Variants in BID observed in about 807,000 individuals in gnomAD.
BID encodes the protein BH3-interacting domain death agonist.
BID carries 19 observed loss-of-function variants against 17.4 expected under a neutral mutation model. The observed-to-expected ratio is 1.09, with a 90% CI of 0.76 to 1.60. The LOEUF (loss-of-function observed/expected upper bound fraction) is 1.60. BID is among the 40% of genes most tolerant of loss of function. The pLI is 0.00. For missense variants in BID, 226 were observed against 256.0 expected, an observed-to-expected ratio of 0.88 and a Z score of 0.80; for synonymous variants, 108 against 102.8, an observed-to-expected ratio of 1.05 and a Z score of -0.31.
chr22:17,761,569 C>T (rs2061638973), intron 1 of BID, among the ~76,000 whole-genome samples: 1 of 151,732 alleles, frequency 6.6e-6, no homozygotes, highest in African/African-American at 2.4e-5. Context: ...GTAGCTGGGA[C>T]TACAGGCGCC....
rs536926034 is a variant in BID, at chr22:17,760,038, G to C, written c.-58-9864C>G. On this transcript the variant is annotated intron_variant, in intron 1 of 5. Coordinates refer to ENST00000622694, the MANE Select transcript of BID (RefSeq NM_001196.4). ...AGTCCCAGCTACTCAGGAGGCTGAG[G>C]CAGGAGAATGGCGTGAACTCGGGAG... Among the ~76,000 whole-genome samples the C allele has an allele frequency of 2.1e-3, 311 of 151,124 alleles. 2 individuals are homozygous for C. The highest frequency in any genetic ancestry group is 6.9e-3 in the African/African-American group (285 of 41,084).
At chr22:17,744,082 C>T (rs1321866843) in intron 2 of BID, 69 bp from the exon 3 acceptor site, 3 of 1,396,942 alleles carry the variant, frequency 2.1e-6, no homozygotes, top group Non-Finnish European at 2.0e-6. Flanking sequence ...CAAAGAGCTC[C>T]AGTTGCAGCT....
At position 17,750,129 on chromosome 22, in the gene BID, G is replaced by T. The variant is rs146270653; in HGVS notation, c.-13C>A. ...CCTCACAGTCCATGGCCTGGGCAGC[G>T]CGGCAGCTCCGACTCACTCCTGGTT... On this transcript the variant is annotated 5_prime_UTR_variant, in exon 2 of 6. Coordinates refer to ENST00000622694, the MANE Select transcript of BID (RefSeq NM_001196.4). The T allele has an allele frequency of 8.8e-4, 1,415 of 1,613,232 alleles. 1 individual carries two copies. Among genetic ancestry groups the T allele is most frequent in the Non-Finnish European group, 1.1e-3 (1,288 of 1,179,934 alleles).
intron 1 of BID, among the ~76,000 whole-genome samples, chr22:17,771,919 G>T (rs754112201): frequency 6.6e-6 from 1 of 152,200 alleles, no homozygotes; most frequent in Non-Finnish European, 1.5e-5. Flanking sequence ...GCTCACAGGG[G>T]AGCGAGGCCA....
intron 5 of BID, 38 bp from the exon 6 acceptor site, chr22:17,735,629 G>A (rs1391212704): frequency 1.2e-6 from 2 of 1,613,834 alleles, no homozygotes. Context: ...AATCAGCTAG[G>A]CTCATTCACA....
At chr22:17,738,359 G>C in intron 4 of BID, 130 bp from the exon 5 acceptor site, 1 of 867,020 alleles carries the variant, frequency 1.2e-6, no homozygotes, top group Admixed American at 2.7e-5. Flanking sequence ...GAAAGAATGA[G>C]AAACAGTTGA....
intron 2 of BID, among the ~76,000 whole-genome samples, chr22:17,749,605 A>T (rs141970789): frequency 9.2e-5 from 14 of 152,384 alleles, no homozygotes; most frequent in African/African-American, 3.4e-4. Flanking sequence ...AGACAAGGTA[A>T]GTATTGTCTT....
In BID at chr22:17,773,628, C is replaced by T. The variant is rs954908100; in HGVS notation, c.-59+753G>A. ...CACTTACAGAATCCGCACTGTGCTCCTCCAGCCGGCCCGGCCCCTCGCTGC... is the reference window on the plus strand; with the variant it reads ...CACTTACAGAATCCGCACTGTGCTCTTCCAGCCGGCCCGGCCCCTCGCTGC... On this transcript the variant is annotated intron_variant, in intron 1 of 5. Coordinates refer to ENST00000622694, the MANE Select transcript of BID (RefSeq NM_001196.4). The surrounding 1 kb of genome is among the most constrained non-coding windows in gnomAD (Gnocchi z 4.4). 1.9e-6 allele frequency: 3 copies of T among 1,612,432 alleles called. No individual in the cohort carries two copies. The highest frequency in any genetic ancestry group is 1.7e-5 in the Admixed American group (1 of 60,012).
In BID at chr22:17,769,159, G is replaced by A. The variant is rs1020472992; in HGVS notation, c.-59+5222C>T. On this transcript the variant is annotated intron_variant, in intron 1 of 5. Transcript: ENST00000622694. This position sits in a 1 kb window ranked among gnomAD's most constrained non-coding sequence, Gnocchi z 4.8. Reference sequence around the variant, plus strand: ...GGCAGAGCCTCACAGAGCACAGCAGGGCCTGTGCCGTGCCAACGCCATGCC... The same window carrying A: ...GGCAGAGCCTCACAGAGCACAGCAGAGCCTGTGCCGTGCCAACGCCATGCC... Among the ~76,000 whole-genome samples the A allele has an allele frequency of 6.6e-6, 1 of 152,256 alleles. No homozygotes were observed. Among genetic ancestry groups the A allele is most frequent in the African/African-American group, 2.4e-5 (1 of 41,466 alleles).
At chr22:17,738,880 G>A (rs895256566) in intron 4 of BID, among the ~76,000 whole-genome samples, 3 of 152,114 alleles carry the variant, frequency 2.0e-5, no homozygotes, top group Non-Finnish European at 2.9e-5. Context: ...AGTTCTTTCC[G>A]CTAAGTGTTC....
At chr22:17,768,387 T>C (rs946144602) in intron 1 of BID, among the ~76,000 whole-genome samples, 1 of 152,202 alleles carries the variant, frequency 6.6e-6, no homozygotes, top group Non-Finnish European at 1.5e-5. Context: ...CAGAAGTCAG[T>C]GGACCCCTAT....
chr22:17,739,213 T>A (rs1005669182), intron 4 of BID, 136 bp downstream of exon 4: 78 of 1,178,670 alleles, frequency 6.6e-5, no homozygotes, highest in Non-Finnish European at 8.8e-5. Context: ...CTACGTCCAG[T>A]TACTTCGTCA....
At chr22:17,737,025 T>C (rs926522138) in intron 5 of BID, among the ~76,000 whole-genome samples, 1 of 152,194 alleles carries the variant, frequency 6.6e-6, no homozygotes, top group African/African-American at 2.4e-5. Flanking sequence ...CAGGCTGGTC[T>C]TGAACTCCTG....
At chr22:17,771,201 A>G (rs922309966) in intron 1 of BID, among the ~76,000 whole-genome samples, 1 of 151,896 alleles carries the variant, frequency 6.6e-6, no homozygotes, top group African/African-American at 2.4e-5. Flanking sequence ...CCGGGTTCAC[A>G]CCATTCTCCT....
chr22:17,757,330 G>C (rs1019735599), intron 1 of BID, among the ~76,000 whole-genome samples: 1 of 149,398 alleles, frequency 6.7e-6, no homozygotes, highest in Non-Finnish European at 1.5e-5. Flanking sequence ...TTGAGCCCGG[G>C]AGGTGGAGGT....
intron 5 of BID, among the ~76,000 whole-genome samples, chr22:17,736,198 C>T (rs1293605090): frequency 6.6e-6 from 1 of 152,146 alleles, no homozygotes; most frequent in African/African-American, 2.4e-5. Flanking sequence ...CAGTGGCTCA[C>T]GCCTGTAATC....
At position 17,735,286 on chromosome 22, in the gene BID, C is replaced by A; in HGVS notation, c.*294G>T. 2.4e-6 allele frequency: 1 copy of A among 415,904 alleles called. No homozygotes were observed. Among genetic ancestry groups the A allele is most frequent in the Non-Finnish European group, 4.3e-6 (1 of 231,860 alleles). 25.8% of individuals were successfully genotyped at this position (415,904 alleles called of 1,614,324 possible). ...TTTAATTTTTAAGTGGGAACCTGCA[C>A]AGTGGAAATAAAGGCACCGTGTGTA... On this transcript the variant is annotated 3_prime_UTR_variant, in exon 6 of 6. Coordinates refer to ENST00000622694, the MANE Select transcript of BID (RefSeq NM_001196.4).
At chr22:17,757,484 G>A (rs1424858058) in intron 1 of BID, among the ~76,000 whole-genome samples, 3 of 151,144 alleles carry the variant, frequency 2.0e-5, no homozygotes, top group Non-Finnish European at 4.4e-5. Context: ...CGAGGCGGGC[G>A]GATCACAAGG....
intron 1 of BID, among the ~76,000 whole-genome samples, chr22:17,767,313 T>C (rs2145920789): frequency 6.6e-6 from 1 of 152,272 alleles, no homozygotes; most frequent in South Asian, 2.1e-4. Flanking sequence ...TTTACTTACA[T>C]AAGCTAATCA....
Sources: allele counts gnomAD v4.1 joint callset (sites outside exome capture counted in the v4.1 genomes callset), GRCh38; gene constraint gnomAD v4.1.1; non-coding constraint Gnocchi (gnomAD v3.1); transcripts MANE v1.5; gene names NCBI Gene and HGNC (gene_info 2026-07-23, HGNC 2026-07-21).